The following ZDHHC5 variants were observed in gnomAD, a reference collection of about 807,000 sequenced individuals.
The protein encoded by ZDHHC5 is palmitoyltransferase ZDHHC5.
In ZDHHC5, 22 loss-of-function variants were observed where a neutral mutation model predicts 70.0. The ratio of observed to expected loss-of-function variants is 0.31; its 90% CI spans 0.22 to 0.45. ZDHHC5 has a LOEUF of 0.45. Among genes scored for constraint, ZDHHC5 ranks in the 20% least tolerant of loss-of-function variants. The probability of loss-of-function intolerance (pLI) is 1.00; values close to 1 mark genes in which losing one functional copy is unlikely to be tolerated. For missense variants in ZDHHC5, 746 were observed against 926.9 expected (o/e 0.80, Z 2.53); for synonymous variants, 313 against 347.8 (o/e 0.90, Z 1.11).
At chr11:57,699,767 A>G (rs1946415435) in intron 11 of ZDHHC5, 99 bp from the exon 12 acceptor site, 1 of 1,474,748 alleles carries the variant, frequency 6.8e-7, no homozygotes, top group South Asian at 1.2e-5. Flanking sequence ...TGGATATAGA[A>G]AAGAACATCA....
At chr11:57,696,071 C>G (rs1470053908) in intron 9 of ZDHHC5, 28 bp downstream of exon 9, 1 of 1,599,176 alleles carries the variant, frequency 6.3e-7, no homozygotes, top group Non-Finnish European at 8.5e-7. Context: ...TTGCAAGATA[C>G]TAGAACTAGG....
At chr11:57,671,952 A>T (rs1946012065) in intron 1 of ZDHHC5, 69 bp from the exon 2 acceptor site, 1 of 311,044 alleles carries the variant, frequency 3.2e-6, no homozygotes, top group African/African-American at 2.1e-5. Flanking sequence ...CAGCCTGTGG[A>T]ATTTTAGCCT....
chr11:57,678,597 C>T (rs763392629), intron 2 of ZDHHC5, among the ~76,000 whole-genome samples: 43 of 143,998 alleles, frequency 3.0e-4, no homozygotes, highest in Non-Finnish European at 5.3e-4. Flanking sequence ...AAAATTCTAG[C>T]GGCTGGGAGC....
At chr11:57,683,432 T>G (rs1436676527) in intron 3 of ZDHHC5, among the ~76,000 whole-genome samples, 2 of 151,858 alleles carry the variant, frequency 1.3e-5, no homozygotes, top group Non-Finnish European at 2.9e-5. Flanking sequence ...TTTTCATGAT[T>G]TTATTGGGCA....
intron 1 of ZDHHC5, among the ~76,000 whole-genome samples, chr11:57,671,495 T>C (rs1946005797): frequency 6.6e-6 from 1 of 152,242 alleles, no homozygotes; most frequent in African/African-American, 2.4e-5. Context: ...TAATGGGTGA[T>C]TCCAAAAGAC....
intron 7 of ZDHHC5, among the ~76,000 whole-genome samples, chr11:57,692,933 C>T (rs970503708): frequency 3.9e-5 from 6 of 151,976 alleles, no homozygotes; most frequent in Admixed American, 2.0e-4. Context: ...CAGCAGGGAC[C>T]GGTTTCATGG....
intron 8 of ZDHHC5, among the ~76,000 whole-genome samples, 186 bp from the exon 9 acceptor site, chr11:57,695,734 A>C (rs766572990): frequency 2.6e-5 from 4 of 151,266 alleles, no homozygotes; most frequent in Admixed American, 6.6e-5. Flanking sequence ...TGCAGGCTGC[A>C]GTGAACATGA....
intron 3 of ZDHHC5, among the ~76,000 whole-genome samples, chr11:57,687,873 C>T (rs745450794): frequency 4.2e-5 from 6 of 144,402 alleles, no homozygotes; most frequent in Non-Finnish European, 7.5e-5. Flanking sequence ...CGGGTTCAAG[C>T]GATTCTCTTG....
chr11:57,672,903 T>C lies in ZDHHC5; in HGVS notation c.-188T>C. The C allele has an allele frequency of 1.8e-6, 1 of 549,750 alleles. No homozygotes were observed. Among genetic ancestry groups the C allele is most frequent in the Non-Finnish European group, 3.3e-6 (1 of 306,782 alleles). 34.1% of individuals were successfully genotyped at this position (549,750 alleles called of 1,614,324 possible). On this transcript the variant is annotated 5_prime_UTR_variant, in exon 2 of 12. Transcript: ENST00000287169. ...AATCACCTTTCCCCCTCCCATGTGC[T>C]TTCCTTCATTTGAGATCTTTTGACC... is the stretch of plus-strand genomic sequence containing the variant.
intron 3 of ZDHHC5, among the ~76,000 whole-genome samples, chr11:57,688,010 A>G (rs1416261048): frequency 6.6e-6 from 1 of 151,886 alleles, no homozygotes; most frequent in Non-Finnish European, 1.5e-5. Flanking sequence ...AGCTCAGGCA[A>G]TCCGCCCTTC....
chr11:57,682,069 A>G (rs1203233004), intron 2 of ZDHHC5, among the ~76,000 whole-genome samples: 1 of 152,340 alleles, frequency 6.6e-6, no homozygotes, highest in East Asian at 1.9e-4. Flanking sequence ...AGTGTAGCTG[A>G]TATCATAGTC....
intron 10 of ZDHHC5, among the ~76,000 whole-genome samples, chr11:57,698,118 AACACAC>A (rs113494839): frequency 2.3e-4 from 25 of 110,384 alleles, no homozygotes; most frequent in Admixed American, 5.0e-4. Flanking sequence ...CTGGGCTTAA[AACACAC>A]ACACACACAC....
rs1445386903 is a variant in ZDHHC5, at chr11:57,672,725, G to A, written c.-366G>A. Reference sequence around the variant, plus strand: ...GAAGACCTGCCTCCATCCATGAGCTGTATCTTGATCTGTCTGACTGTCCAT... The same window carrying A: ...GAAGACCTGCCTCCATCCATGAGCTATATCTTGATCTGTCTGACTGTCCAT... On this transcript the variant is annotated 5_prime_UTR_variant, in exon 2 of 12. Transcript: ENST00000287169. 2 of 195,354 alleles carry A rather than the reference G, an allele frequency of 1.0e-5. No individual in the cohort carries two copies. The highest frequency in any genetic ancestry group is 1.3e-4 in the East Asian group (1 of 7,668). The allele number at this position is 195,354 out of a possible 1,614,324, so 12.1% of individuals were successfully genotyped here. A position where few individuals can be genotyped will look rare whatever the true frequency, so the allele number is the denominator to read the frequency against.
intron 2 of ZDHHC5, among the ~76,000 whole-genome samples, chr11:57,680,602 A>T (rs1946137631): frequency 6.6e-6 from 1 of 152,092 alleles, no homozygotes. Flanking sequence ...CCTTCTAATT[A>T]TCTTCCCAGG....
At chr11:57,691,708 A>T (rs1025842239) in intron 6 of ZDHHC5, among the ~76,000 whole-genome samples, 1 of 152,138 alleles carries the variant, frequency 6.6e-6, no homozygotes, top group Non-Finnish European at 1.5e-5. Flanking sequence ...GTCAAAAATC[A>T]TATTAATAGA....
chr11:57,687,980 G>A (rs1946231724), intron 3 of ZDHHC5, among the ~76,000 whole-genome samples: 1 of 151,656 alleles, frequency 6.6e-6, no homozygotes, highest in Non-Finnish European at 1.5e-5. Context: ...CATGTTGGCC[G>A]TGCTGGTTTT....
chr11:57,698,666 T>G lies in ZDHHC5; in HGVS notation c.1230T>G (p.Pro410=). 1 of 1,614,182 alleles carries G rather than the reference T, an allele frequency of 6.2e-7. No homozygotes were observed. Among genetic ancestry groups the G allele is most frequent in the South Asian group, 1.1e-5 (1 of 91,082 alleles). Residue 410 remains proline, a synonymous_variant, in exon 11 of 12, where the codon CCT becomes CCG. Coordinates refer to ENST00000287169, the MANE Select transcript of ZDHHC5 (RefSeq NM_015457.3). ...PSLEPESFRS[P]TFGKSFHFDP... ...TGGAACCAGAGAGCTTCCGTTCTCC[T>G]ACCTTTGGCAAAAGTTTTCACTTCG...
chr11:57,693,139 T>C (rs1419304299), intron 7 of ZDHHC5, among the ~76,000 whole-genome samples: 1 of 152,100 alleles, frequency 6.6e-6, no homozygotes, highest in Admixed American at 6.6e-5. Context: ...AAACCCCTTC[T>C]CTACTCAAAA....
intron 2 of ZDHHC5, among the ~76,000 whole-genome samples, chr11:57,679,056 AT>A (rs1304320992): frequency 6.6e-6 from 1 of 152,088 alleles, no homozygotes; most frequent in Non-Finnish European, 1.5e-5. Context: ...GAACTTAACC[AT>A]TTTTTTGTAA....
Sources: gnomAD v4.1 joint callset for allele counts (sites outside exome capture counted in the v4.1 genomes callset) on GRCh38, gnomAD v4.1.1 for gene constraint, MANE v1.5 for transcripts, NCBI Gene and HGNC (gene_info 2026-07-23, HGNC 2026-07-21) for gene names.